EDIL3: variants seen among roughly 807,000 people sequenced by gnomAD.
EDIL3 encodes EGF-like repeat and discoidin I-like domain-containing protein 3.
In EDIL3, 37 loss-of-function variants were observed where a neutral mutation model predicts 67.4. That is an observed-to-expected ratio of 0.55 (90% confidence interval 0.42 to 0.72). EDIL3 has a LOEUF of 0.72. EDIL3 is among the 30% of genes least tolerant of loss of function. EDIL3 has a pLI of 0.00. For missense variants in EDIL3, 527 were observed against 586.3 expected (o/e 0.90, Z 1.04); for synonymous variants, 195 against 196.3 (o/e 0.99, Z 0.05).
chr5:84,291,853 G>T (rs898606315), intron 1 of EDIL3, among the ~76,000 whole-genome samples: 1 of 146,190 alleles, frequency 6.8e-6, no homozygotes, highest in African/African-American at 2.5e-5. Context: ...ATACCTACAG[G>T]CCCTGGATAT....
chr5:84,047,259 C>G (rs1746240899), intron 9 of EDIL3, among the ~76,000 whole-genome samples: 1 of 152,000 alleles, frequency 6.6e-6, no homozygotes, highest in Non-Finnish European at 1.5e-5. Context: ...TTTCTATATG[C>G]AAGCACTTAC....
intron 6 of EDIL3, among the ~76,000 whole-genome samples, chr5:84,093,173 T>C (rs530840730): frequency 6.6e-6 from 1 of 151,892 alleles, no homozygotes; most frequent in Non-Finnish European, 1.5e-5. Flanking sequence ...TGAAAACAAA[T>C]ACTATCTTTC....
At chr5:84,335,831 T>C (rs191704915) in intron 1 of EDIL3, among the ~76,000 whole-genome samples, 1 of 152,248 alleles carries the variant, frequency 6.6e-6, no homozygotes, top group East Asian at 1.9e-4. Context: ...AATTTTTTTG[T>C]CACAGTTCTG....
At chr5:84,048,147 A>G (rs1466126101) in intron 9 of EDIL3, 1 of 365,760 alleles carries the variant, frequency 2.7e-6, no homozygotes, top group Non-Finnish European at 5.3e-6. Context: ...TCTTCTTTAT[A>G]GGTGAACCTT....
Position 83,946,655 on chromosome 5 carries a change from T to C in EDIL3, c.1294-3087A>G, listed in dbSNP as rs1744316791. 2.0e-5 allele frequency among the ~76,000 whole-genome samples: 3 copies of C among 151,874 alleles called. No homozygotes were observed. The South Asian group carries it at 6.2e-4, about 31-fold the overall frequency. On this transcript the variant is annotated intron_variant, in intron 10 of 10. Coordinates refer to ENST00000296591, the MANE Select transcript of EDIL3 (RefSeq NM_005711.5). ...TTTTATAAGACGAGCTACCATTCTT[T>C]GTTAGGACTACGGTCTATTCAGGCC...
At chr5:84,263,360 T>G (rs1745274495) in intron 1 of EDIL3, among the ~76,000 whole-genome samples, 1 of 152,174 alleles carries the variant, frequency 6.6e-6, no homozygotes, top group African/African-American at 2.4e-5. Flanking sequence ...CTTGATGACC[T>G]AGATGAAGGC....
At chr5:84,175,777 T>C (rs900265821) in intron 4 of EDIL3, among the ~76,000 whole-genome samples, 1 of 152,168 alleles carries the variant, frequency 6.6e-6, no homozygotes, top group Non-Finnish European at 1.5e-5. Flanking sequence ...TGGTCATTCC[T>C]TAAGTCAGTA....
chr5:84,209,251 G>T (rs1235396674), intron 3 of EDIL3, among the ~76,000 whole-genome samples: 2 of 151,954 alleles, frequency 1.3e-5, no homozygotes, highest in Non-Finnish European at 2.9e-5. Context: ...GGGAGGGATA[G>T]CATTAGGCGA....
intron 1 of EDIL3, among the ~76,000 whole-genome samples, chr5:84,297,741 C>T (rs1746079977): frequency 6.6e-6 from 1 of 152,212 alleles, no homozygotes; most frequent in Admixed American, 6.5e-5. Context: ...GCATTAAGGA[C>T]ATGATTTACA....
chr5:84,152,757 C>T (rs1249048395), intron 4 of EDIL3, among the ~76,000 whole-genome samples: 4 of 152,108 alleles, frequency 2.6e-5, no homozygotes, highest in Non-Finnish European at 5.9e-5. Context: ...AAATAAGCTA[C>T]AGAGTTATCT....
At chr5:84,321,771 C>G (rs575714864) in intron 1 of EDIL3, among the ~76,000 whole-genome samples, 1 of 152,220 alleles carries the variant, frequency 6.6e-6, no homozygotes, top group African/African-American at 2.4e-5. Flanking sequence ...TGCACTTTCC[C>G]CATTGTTGCC....
At chr5:84,347,276 G>A (rs1747257031) in intron 1 of EDIL3, among the ~76,000 whole-genome samples, 1 of 152,116 alleles carries the variant, frequency 6.6e-6, no homozygotes, top group South Asian at 2.1e-4. Flanking sequence ...TCTTCCATTG[G>A]AAAAGTTACT....
intron 9 of EDIL3, among the ~76,000 whole-genome samples, chr5:84,037,100 G>A (rs1035949595): frequency 6.6e-6 from 1 of 152,114 alleles, no homozygotes; most frequent in African/African-American, 2.4e-5. Flanking sequence ...CACTCATCAA[G>A]GTATGCCCCA....
chr5:84,092,893 T>C (rs745543358), intron 6 of EDIL3, among the ~76,000 whole-genome samples: 1 of 152,160 alleles, frequency 6.6e-6, no homozygotes, highest in Non-Finnish European at 1.5e-5. Context: ...GCAAACATCC[T>C]ACAAATACTG....
chr5:84,016,415 T>C (rs949695918), intron 9 of EDIL3, among the ~76,000 whole-genome samples: 2 of 152,178 alleles, frequency 1.3e-5, no homozygotes, highest in Non-Finnish European at 2.9e-5. Flanking sequence ...CAAAAATTAA[T>C]GTTCTAAATT....
chr5:84,080,369 A>G (rs1761241040), intron 6 of EDIL3, among the ~76,000 whole-genome samples: 1 of 150,194 alleles, frequency 6.7e-6, no homozygotes, highest in Admixed American at 6.7e-5. Flanking sequence ...CTCTTAAACC[A>G]CCTCCAAATC....
Position 84,358,691 on chromosome 5 carries a change from C to A in EDIL3, c.67+25617G>T, listed in dbSNP as rs1747537650. Among the ~76,000 whole-genome samples the A allele has an allele frequency of 2.1e-5, 3 of 145,650 alleles. No homozygotes were observed. In the Admixed American group the frequency reaches 2.1e-4, roughly 10 times the overall value. On this transcript the variant is annotated intron_variant, in intron 1 of 10. Transcript: ENST00000296591. ...CAATCTCGGCTCACTGCAAGCTCTG[C>A]CTCCTAGGTTCAGGTTCACACCATT...
chr5:84,278,300 G>T (rs190782004), intron 1 of EDIL3, among the ~76,000 whole-genome samples: 2 of 152,016 alleles, frequency 1.3e-5, no homozygotes, highest in Non-Finnish European at 2.9e-5. Flanking sequence ...TCCAAATTAC[G>T]TCATCTGTAA....
intron 3 of EDIL3, among the ~76,000 whole-genome samples, chr5:84,207,451 C>G (rs1174064700): frequency 6.6e-6 from 1 of 152,122 alleles, no homozygotes. Context: ...GAATCAATAT[C>G]GTGAAAATGG....
Sources: allele counts gnomAD v4.1 joint callset (sites outside exome capture counted in the v4.1 genomes callset), GRCh38; gene constraint gnomAD v4.1.1; transcripts MANE v1.5; gene names NCBI Gene and HGNC (gene_info 2026-07-23, HGNC 2026-07-21).